The following KHDRBS2 variants were observed in gnomAD, a reference collection of about 807,000 sequenced individuals.
KHDRBS2 encodes KH RNA binding domain containing, signal transduction associated 2.
In KHDRBS2, 26 loss-of-function variants were observed where a neutral mutation model predicts 44.3. The observed-to-expected ratio is 0.59, with a 90% confidence interval of 0.43 to 0.81. KHDRBS2 has a LOEUF of 0.81. KHDRBS2 is among the 40% of genes least tolerant of loss of function. The pLI is 0.00. For synonymous variants in KHDRBS2, 194 were observed against 151.1 expected (o/e 1.28, Z -2.08); for missense variants, 476 against 433.1 (o/e 1.10, Z -0.88).
chr6:61,548,135 C>A, the KHDRBS2 span, among the ~76,000 whole-genome samples: 1 of 152,038 alleles, frequency 6.6e-6, no homozygotes, highest in Non-Finnish European at 1.5e-5. Flanking sequence ...AATAGAAAAT[C>A]TGTTTTAAAG....
chr6:62,182,084 C>T (rs1035945547), intron 1 of KHDRBS2, among the ~76,000 whole-genome samples: 1 of 152,000 alleles, frequency 6.6e-6, no homozygotes, highest in Non-Finnish European at 1.5e-5. Flanking sequence ...CCACCAGAAA[C>T]CAAACCTACT....
chr6:62,188,979 G>A lies in KHDRBS2; in HGVS notation c.92-11667C>T, dbSNP rs576559645. The stretch of plus-strand genomic sequence containing the variant: ...AAATTCAAAAGATTAGCCACGTGTG[G>A]TGGCATGTGCCTGTAATCCCATCTA... On this transcript the variant is annotated intron_variant, in intron 1 of 8. Transcript: ENST00000281156. 3.3e-5 allele frequency among the ~76,000 whole-genome samples: 5 copies of A among 152,210 alleles called. No homozygotes were observed. The South Asian group carries it at 1.0e-3, about 32-fold the overall frequency.
chr6:61,756,561 C>T (rs1778517419), intron 6 of KHDRBS2, among the ~76,000 whole-genome samples: 1 of 152,128 alleles, frequency 6.6e-6, no homozygotes, highest in Non-Finnish European at 1.5e-5. Context: ...TGCCCAGCCT[C>T]ATTATGAATT....
intron 1 of KHDRBS2, among the ~76,000 whole-genome samples, chr6:62,209,804 T>A (rs1014237321): frequency 6.6e-6 from 1 of 152,190 alleles, no homozygotes; most frequent in Non-Finnish European, 1.5e-5. Flanking sequence ...CTCCTGTGCA[T>A]GATGCTTCCT....
intron 6 of KHDRBS2, among the ~76,000 whole-genome samples, chr6:61,779,956 G>A (rs1582802834): frequency 6.6e-6 from 1 of 151,710 alleles, no homozygotes; most frequent in Admixed American, 6.6e-5. Flanking sequence ...TTACTATATT[G>A]TAGCAATTTA....
chr6:61,609,025 C>CAA, the KHDRBS2 span, among the ~76,000 whole-genome samples: 1 of 152,182 alleles, frequency 6.6e-6, no homozygotes, highest in Non-Finnish European at 1.5e-5. Flanking sequence ...CTGTCTTCCA[C>CAA]AATGGCTGAA....
intron 6 of KHDRBS2, among the ~76,000 whole-genome samples, chr6:61,849,910 A>G (rs779618767): frequency 6.6e-6 from 1 of 152,122 alleles, no homozygotes; most frequent in Non-Finnish European, 1.5e-5. Context: ...ATCCAAAACT[A>G]TTTTAATTTA....
intron 2 of KHDRBS2, among the ~76,000 whole-genome samples, chr6:62,073,515 ATTT>A (rs763555525): frequency 9.1e-6 from 1 of 109,532 alleles, no homozygotes; most frequent in Non-Finnish European, 2.0e-5. Flanking sequence ...TGGTTTGGTG[ATTT>A]TTTTCTTTTT....
chr6:62,268,241 T>G (rs1199061223), intron 1 of KHDRBS2, among the ~76,000 whole-genome samples: 1 of 152,068 alleles, frequency 6.6e-6, no homozygotes, highest in Non-Finnish European at 1.5e-5. Context: ...CTTTGAGAAT[T>G]ACCTCACCAA....
At chr6:61,799,130 TTC>T (rs1382926535) in intron 6 of KHDRBS2, among the ~76,000 whole-genome samples, 1 of 152,030 alleles carries the variant, frequency 6.6e-6, no homozygotes, top group Non-Finnish European at 1.5e-5. Context: ...AATGCTGCAG[TTC>T]TTTGTCCCCA....
intron 6 of KHDRBS2, among the ~76,000 whole-genome samples, chr6:61,825,260 T>C (rs1790652480): frequency 6.6e-6 from 1 of 152,214 alleles, no homozygotes; most frequent in African/African-American, 2.4e-5. Flanking sequence ...AAAGTGCACA[T>C]TTTCTTTCTT....
At chr6:62,069,214 G>A (rs1256992781) in intron 2 of KHDRBS2, among the ~76,000 whole-genome samples, 2 of 151,526 alleles carry the variant, frequency 1.3e-5, no homozygotes, top group Non-Finnish European at 3.0e-5. Context: ...TAACTAGACA[G>A]TTGATTAACT....
At chr6:61,690,592 C>A (rs1767290386) in intron 8 of KHDRBS2, among the ~76,000 whole-genome samples, 1 of 152,112 alleles carries the variant, frequency 6.6e-6, no homozygotes, top group Admixed American at 6.6e-5. Flanking sequence ...CTGTTCAACA[C>A]ACAATTGTTC....
At chr6:61,967,384 T>C (rs1770231782) in intron 4 of KHDRBS2, among the ~76,000 whole-genome samples, 2 of 150,544 alleles carry the variant, frequency 1.3e-5, no homozygotes, top group Non-Finnish European at 1.5e-5. Flanking sequence ...TTACAAGCTG[T>C]ATGCTGTGAA....
the KHDRBS2 span, among the ~76,000 whole-genome samples, chr6:61,553,711 T>C: frequency 2.0e-5 from 3 of 152,170 alleles, no homozygotes; most frequent in African/African-American, 4.8e-5. Flanking sequence ...TTTGTTCTCA[T>C]TAGTTTCAAA....
At chr6:61,614,842 C>T in the KHDRBS2 span, among the ~76,000 whole-genome samples, 1 of 152,156 alleles carries the variant, frequency 6.6e-6, no homozygotes, top group Non-Finnish European at 1.5e-5. Context: ...AGCTCTATGA[C>T]TTAAGCAAGT....
chr6:61,708,849 G>C (rs1008458645), intron 7 of KHDRBS2, among the ~76,000 whole-genome samples: 2 of 151,770 alleles, frequency 1.3e-5, no homozygotes, highest in South Asian at 2.1e-4. Context: ...ATAGTCTCAT[G>C]ATGGAGAATA....
the KHDRBS2 span, among the ~76,000 whole-genome samples, chr6:61,610,965 G>C: frequency 6.6e-6 from 1 of 152,100 alleles, no homozygotes; most frequent in African/African-American, 2.4e-5. Context: ...ACTGAAGAAG[G>C]CCCCTATGAT....
chr6:61,658,947 A>G, the KHDRBS2 span, among the ~76,000 whole-genome samples: 3 of 152,020 alleles, frequency 2.0e-5, no homozygotes. Flanking sequence ...ACACTATTAT[A>G]TCTGTTTTTA....
Sources: allele counts gnomAD v4.1 joint callset (sites outside exome capture counted in the v4.1 genomes callset), GRCh38; gene constraint gnomAD v4.1.1; transcripts MANE v1.5; gene names NCBI Gene and HGNC (gene_info 2026-07-23, HGNC 2026-07-21).